The following CTNNA2 variants were observed in gnomAD, a reference collection of about 807,000 sequenced individuals.
CTNNA2 encodes the protein catenin alpha 2, also known as catenin alpha-2.
CTNNA2 carries 42 observed loss-of-function variants against 101.0 expected under a neutral mutation model. The observed-to-expected ratio is 0.42, with a 90% CI of 0.32 to 0.54. The LOEUF is 0.54. CTNNA2 is among the 20% of genes least tolerant of loss of function. The probability of loss-of-function intolerance (pLI) is 0.14; values close to 1 mark genes in which losing one functional copy is unlikely to be tolerated. For synonymous variants in CTNNA2, 450 were observed against 456.4 expected, an observed-to-expected ratio of 0.99 and a Z score of 0.18; for missense variants, 871 against 1,223.1, an observed-to-expected ratio of 0.71 and a Z score of 4.29.
chr2:79,592,547 T>G (rs1676932238), intron 1 of CTNNA2, among the ~76,000 whole-genome samples: 1 of 152,304 alleles, frequency 6.6e-6, no homozygotes, highest in Admixed American at 6.5e-5. Flanking sequence ...TTTTTTTAAC[T>G]TGTTTAATTT....
chr2:80,557,956 T>C (rs1453797126), intron 12 of CTNNA2, among the ~76,000 whole-genome samples: 1 of 152,188 alleles, frequency 6.6e-6, no homozygotes, highest in Non-Finnish European at 1.5e-5. Context: ...TGGCTTGCAA[T>C]GATTGAGCAC....
chr2:79,803,862 A>G (rs543660137), intron 3 of CTNNA2, among the ~76,000 whole-genome samples: 10 of 152,386 alleles, frequency 6.6e-5, no homozygotes, highest in African/African-American at 1.7e-4. Context: ...AAAACACTCT[A>G]GTAGGCTAAG....
chr2:79,842,354 G>GGAAC (rs1679887945), intron 3 of CTNNA2, among the ~76,000 whole-genome samples: 1 of 152,110 alleles, frequency 6.6e-6, no homozygotes, highest in South Asian at 2.1e-4. Flanking sequence ...GTACGAAATG[G>GGAAC]GAACAGTACC....
chr2:80,412,285 T>A (rs1288263786), intron 8 of CTNNA2, among the ~76,000 whole-genome samples: 1 of 152,256 alleles, frequency 6.6e-6, no homozygotes, highest in African/African-American at 2.4e-5. Flanking sequence ...TACCTGTTAC[T>A]GTCCTTCAGG....
chr2:80,422,167 T>C (rs1277516354), intron 9 of CTNNA2, among the ~76,000 whole-genome samples: 2 of 152,130 alleles, frequency 1.3e-5, no homozygotes, highest in Non-Finnish European at 2.9e-5. Flanking sequence ...CTCACAATCG[T>C]GGCGGAAGGC....
intron 9 of CTNNA2, among the ~76,000 whole-genome samples, chr2:80,529,882 G>A (rs1690377669): frequency 1.3e-5 from 2 of 152,112 alleles, no homozygotes; most frequent in African/African-American, 2.4e-5. Flanking sequence ...CATTTCACTT[G>A]TAGAGAGTTG....
At chr2:79,398,318 T>G (rs1573146681) in intron 4 of CTNNA2, among the ~76,000 whole-genome samples, 1 of 152,128 alleles carries the variant, frequency 6.6e-6, no homozygotes, top group African/African-American at 2.4e-5. Context: ...CATCAGCTAT[T>G]CTTCATGTGA....
intron 11 of CTNNA2, among the ~76,000 whole-genome samples, chr2:80,547,842 A>G (rs1042408140): frequency 1.3e-4 from 20 of 152,124 alleles, no homozygotes; most frequent in African/African-American, 4.3e-4. Flanking sequence ...GGCGTGAGCC[A>G]CTATGCCCGG....
At chr2:80,312,651 A>G (rs1239159197) in intron 7 of CTNNA2, among the ~76,000 whole-genome samples, 8 of 152,248 alleles carry the variant, frequency 5.3e-5, no homozygotes, top group Non-Finnish European at 5.9e-5. Flanking sequence ...CTTGGGGTTC[A>G]ATATATTTAA....
intron 2 of CTNNA2, among the ~76,000 whole-genome samples, chr2:79,741,033 G>A (rs1671253514): frequency 6.6e-6 from 1 of 152,078 alleles, no homozygotes; most frequent in East Asian, 1.9e-4. Context: ...CAGTAGTGTG[G>A]AGTGGCATGC....
intron 9 of CTNNA2, among the ~76,000 whole-genome samples, chr2:80,452,721 A>G (rs1441668368): frequency 6.6e-6 from 1 of 151,618 alleles, no homozygotes; most frequent in Non-Finnish European, 1.5e-5. Context: ...AATCTAGGAA[A>G]GGGTGAAATA....
intron 6 of CTNNA2, among the ~76,000 whole-genome samples, chr2:79,887,037 G>C (rs994381794): frequency 6.6e-6 from 1 of 151,914 alleles, no homozygotes; most frequent in Non-Finnish European, 1.5e-5. Context: ...GGCTGGTCTT[G>C]AACTCCTGAA....
Position 80,415,169 on chromosome 2 carries a change from C to G in CTNNA2, c.1138-4280C>G, listed in dbSNP as rs557440045. 1.5e-4 allele frequency among the ~76,000 whole-genome samples: 23 copies of G among 152,308 alleles called. No individual in the cohort carries two copies. In the South Asian group the frequency reaches 4.6e-3, roughly 30 times the overall value. ...ACAATACTGGGTCAGTAACAGAACA[C>G]TAGGCAGTTTTCCTTCATGTATGCA... On this transcript the variant is annotated intron_variant, in intron 8 of 18. Transcript: ENST00000402739.
chr2:80,588,270 C>T (rs1162862740), intron 14 of CTNNA2, among the ~76,000 whole-genome samples: 1 of 152,166 alleles, frequency 6.6e-6, no homozygotes, highest in Non-Finnish European at 1.5e-5. Context: ...CAGCACCATG[C>T]TTGGAGCCAT....
intron 7 of CTNNA2, chr2:80,313,579 G>T (rs768175508): frequency 6.2e-6 from 10 of 1,611,166 alleles, no homozygotes; most frequent in Admixed American, 1.7e-5. Flanking sequence ...GATGGAGAAG[G>T]CCACTCCAGT....
At chr2:79,351,972 A>T (rs945031973) in intron 3 of CTNNA2, among the ~76,000 whole-genome samples, 1 of 152,052 alleles carries the variant, frequency 6.6e-6, no homozygotes, top group Admixed American at 6.6e-5. Context: ...TGGTAGTTCA[A>T]CTCTCAGTTC....
At position 80,194,763 on chromosome 2, in the gene CTNNA2, ATATAT is replaced by A. The variant is rs1205378598; in HGVS notation, c.1057-198442_1057-198438del. Among the ~76,000 whole-genome samples, 18 of 149,870 alleles carry A rather than the reference ATATAT, an allele frequency of 1.2e-4. No individual in the cohort carries two copies. In the East Asian group the frequency reaches 2.1e-3, roughly 18 times the overall value. On this transcript the variant is annotated intron_variant, in intron 7 of 18. Transcript: ENST00000402739. ...TTAATTATATAAATTAATTCTATTA[ATATAT>A]TATATATTTGCAATTGATGAATCAT...
chr2:79,496,241 T>C (rs1241500004), intron 4 of CTNNA2, among the ~76,000 whole-genome samples: 1 of 152,168 alleles, frequency 6.6e-6, no homozygotes, highest in African/African-American at 2.4e-5. Context: ...CTTTAGAATT[T>C]TTTTCTTTTT....
intron 7 of CTNNA2, among the ~76,000 whole-genome samples, chr2:79,989,492 G>A (rs1692017716): frequency 6.6e-6 from 1 of 152,032 alleles, no homozygotes; most frequent in South Asian, 2.1e-4. Context: ...AAAATTATCT[G>A]GACATGATGG....
Sources: gnomAD v4.1 joint callset for allele counts (sites outside exome capture counted in the v4.1 genomes callset) on GRCh38, gnomAD v4.1.1 for gene constraint, MANE v1.5 for transcripts, NCBI Gene and HGNC (gene_info 2026-07-23, HGNC 2026-07-21) for gene names.